LYST: variants seen among roughly 807,000 people sequenced by gnomAD.
LYST encodes lysosomal trafficking regulator, also known as lysosomal-trafficking regulator.
LYST carries 192 observed loss-of-function variants against 413.6 expected under a neutral mutation model. The observed-to-expected ratio is 0.46, with a 90% CI of 0.41 to 0.52. LYST has a LOEUF of 0.52. Ranked by LOEUF, LYST falls within the 20% of genes least tolerant of loss-of-function variation. LYST has a pLI of 0.00. For missense variants in LYST, 3,815 were observed against 4,499.9 expected (o/e 0.85, Z 4.35); for synonymous variants, 1,525 against 1,567.3 (o/e 0.97, Z 0.64).
chr1:235,802,219 A>G (rs112280259), intron 8 of LYST, among the ~76,000 whole-genome samples: 4,529 of 149,204 alleles, frequency 0.03, 288 homozygotes, highest in African/African-American at 0.11. Flanking sequence ...AAAAAAAAAA[A>G]ACTAGCAGTA....
chr1:235,806,240 T>G lies in LYST; in HGVS notation c.2896A>C (p.Met966Leu), dbSNP rs1317545310. The G allele has an allele frequency of 6.2e-7, 1 of 1,613,988 alleles. No homozygotes were observed. The highest frequency in any genetic ancestry group is 1.1e-5 in the South Asian group (1 of 91,082). The change falls in exon 6 of 53, where the codon ATG (methionine) becomes CTG (leucine). Residue 966 changes from methionine to leucine, a missense_variant. Physicochemically the swap from Met to Leu is conservative, Grantham distance 15. Around this residue, in one of 4 missense-constraint regions of LYST, gnomAD observed 1,648 missense variants for 1,810.3 expected, o/e 0.91. Coordinates refer to ENST00000389793, the MANE Select transcript of LYST (RefSeq NM_000081.4). ...HMHQAADIWS[M>L]CRWIYMLSSV... ...CTCAACATGTAGATCCAACGACACA[T>G]AGACCAAATGTCTGCTGCTTGGTGC...
At chr1:235,836,490 T>A (rs1208025157) in intron 1 of LYST, among the ~76,000 whole-genome samples, 4 of 152,128 alleles carry the variant, frequency 2.6e-5, no homozygotes, top group South Asian at 2.1e-4. Flanking sequence ...TTGAATGGAA[T>A]AAGTAAATGG....
At chr1:235,801,989 T>G (rs1322368144) in intron 8 of LYST, among the ~76,000 whole-genome samples, 2 of 151,198 alleles carry the variant, frequency 1.3e-5, no homozygotes, top group Admixed American at 1.3e-4. Context: ...AAGTCAGGAG[T>G]TCGAGACTAG....
chr1:235,697,314 G>T, intron 45 of LYST, 42 bp from the exon 46 acceptor site: 1 of 1,437,830 alleles, frequency 7.0e-7, no homozygotes, highest in Non-Finnish European at 9.7e-7. Context: ...TTTAAAAGGT[G>T]GTAAGTGTAG....
chr1:235,775,236 A>G (rs1669117670), intron 17 of LYST, 150 bp from the exon 18 acceptor site: 3 of 670,950 alleles, frequency 4.5e-6, no homozygotes, highest in Non-Finnish European at 5.2e-6. Flanking sequence ...AAGGCTTGTG[A>G]ATAAACAAAA....
At chr1:235,831,432 T>C (rs1041734828) in intron 2 of LYST, among the ~76,000 whole-genome samples, 6 of 152,294 alleles carry the variant, frequency 3.9e-5, no homozygotes, top group Non-Finnish European at 7.4e-5. Context: ...TAAAGGGATA[T>C]AGTTGATGTC....
In LYST at chr1:235,664,131, T is replaced by G; in HGVS notation, c.11196-76A>C. 1 of 1,163,630 alleles carries G rather than the reference T, an allele frequency of 8.6e-7. No individual in the cohort carries two copies. Among genetic ancestry groups the G allele is most frequent in the Non-Finnish European group, 1.3e-6 (1 of 772,704 alleles). 72.1% of individuals were successfully genotyped at this position (1,163,630 alleles called of 1,614,324 possible). On this transcript the variant is annotated intron_variant, in intron 51 of 52. Coordinates refer to ENST00000389793, the MANE Select transcript of LYST (RefSeq NM_000081.4). The surrounding 1 kb of genome is among the most constrained non-coding windows in gnomAD (Gnocchi z 4.5). ...AAAAAGCCCTCTATATTTGTTTATT[T>G]GTTAAAAATCATGTGGAAGGAAATG... is the stretch of plus-strand genomic sequence containing the variant.
At chr1:235,691,713 T>TTTTTTTA (rs1660670846) in intron 47 of LYST, among the ~76,000 whole-genome samples, 13 of 150,416 alleles carry the variant, frequency 8.6e-5, no homozygotes, top group South Asian at 4.2e-4. Context: ...TTTTTTTTTT[T>TTTTTTTA]GAGATGGAGT....
intron 37 of LYST, 119 bp from the exon 38 acceptor site, chr1:235,728,250 G>A: frequency 1.3e-6 from 1 of 742,470 alleles, no homozygotes. Context: ...CCTCGACACA[G>A]TTCCTGGCAC....
chr1:235,692,504 C>T (rs996222956), intron 47 of LYST, among the ~76,000 whole-genome samples: 6 of 151,852 alleles, frequency 4.0e-5, no homozygotes, highest in East Asian at 2.0e-4. Flanking sequence ...CCTCAGCCTC[C>T]TGAGTAGCTG....
chr1:235,671,818 GATGAC>G (rs1385111857), intron 50 of LYST, among the ~76,000 whole-genome samples: 1 of 152,174 alleles, frequency 6.6e-6, no homozygotes, highest in African/African-American at 2.4e-5. Context: ...TTAAGAAGAG[GATGAC>G]ATAATTCGAT....
In LYST at chr1:235,787,351, C is replaced by T; in HGVS notation, c.4711G>A (p.Asp1571Asn). The T allele has an allele frequency of 6.2e-7, 1 of 1,613,734 alleles. No homozygotes were observed. Among genetic ancestry groups the T allele is most frequent in the Non-Finnish European group, 8.5e-7 (1 of 1,179,802 alleles). ...IFRVCMDSND[D>N]MKAVLLAQVE... ...TGTGCTAGTAAAACAGCTTTCATGT[C>T]ATCATTTGAATCCATGCACACACTA... The change falls in exon 14 of 53, where the codon GAC becomes AAC. Residue 1571 changes from aspartate (D) to asparagine (N), a missense_variant. This residue lies in a region of LYST where 530 missense variants were observed against 696.5 expected (regional missense o/e 0.76). Transcript: ENST00000389793.
chr1:235,739,371 C>T (rs934698942), intron 31 of LYST, among the ~76,000 whole-genome samples: 11 of 152,180 alleles, frequency 7.2e-5, no homozygotes, highest in Non-Finnish European at 1.5e-4. Context: ...AACTTCCTGG[C>T]TCCTTCATTG....
intron 3 of LYST, among the ~76,000 whole-genome samples, chr1:235,825,111 A>G (rs1234962200): frequency 2.6e-5 from 4 of 152,214 alleles, no homozygotes; most frequent in Non-Finnish European, 1.5e-5. Context: ...AAATCATATG[A>G]TAGTTTCAAC....
At chr1:235,696,917 C>T (rs1397656427) in intron 46 of LYST, among the ~76,000 whole-genome samples, 166 bp downstream of exon 46, 1 of 152,196 alleles carries the variant, frequency 6.6e-6, no homozygotes, top group Non-Finnish European at 1.5e-5. Flanking sequence ...ATTTAACTCT[C>T]TGTTTTTTCA....
At chr1:235,763,625 TTC>T in intron 21 of LYST, among the ~76,000 whole-genome samples, 1 of 135,692 alleles carries the variant, frequency 7.4e-6, no homozygotes, top group Non-Finnish European at 1.6e-5. Context: ...AACTTTTTTT[TTC>T]TTTTTTTTTT....
At chr1:235,832,765 T>C (rs1676129788) in intron 2 of LYST, among the ~76,000 whole-genome samples, 1 of 152,134 alleles carries the variant, frequency 6.6e-6, no homozygotes, top group Admixed American at 6.5e-5. Context: ...TGCCCCTTTA[T>C]CTTATTACTT....
chr1:235,711,723 A>T (rs1662416040), intron 43 of LYST, among the ~76,000 whole-genome samples: 1 of 152,158 alleles, frequency 6.6e-6, no homozygotes, highest in African/African-American at 2.4e-5. Flanking sequence ...CTTTCAATAA[A>T]GTCATACCTC....
intron 5 of LYST, among the ~76,000 whole-genome samples, chr1:235,807,409 T>C (rs1672972938): frequency 6.6e-6 from 1 of 152,200 alleles, no homozygotes. Flanking sequence ...ATAAGCCAGC[T>C]AGGTGATTCT....
Sources: allele counts gnomAD v4.1 joint callset (sites outside exome capture counted in the v4.1 genomes callset), GRCh38; gene constraint gnomAD v4.1.1; regional missense constraint gnomAD v4.1.1; non-coding constraint Gnocchi (gnomAD v3.1); transcripts MANE v1.5; gene names NCBI Gene and HGNC (gene_info 2026-07-23, HGNC 2026-07-21).